SCN3A: variants seen among roughly 807,000 people sequenced by gnomAD.
SCN3A encodes sodium channel protein type 3 subunit alpha.
A neutral mutation model predicts 187.6 loss-of-function variants in SCN3A; 60 were observed. That is an observed-to-expected ratio of 0.32 (90% confidence interval 0.26 to 0.40). The LOEUF is 0.40. Ranked by LOEUF, SCN3A falls within the 10% of genes least tolerant of loss-of-function variation. SCN3A has a pLI of 1.00. For synonymous variants in SCN3A, 788 were observed against 829.2 expected, an observed-to-expected ratio of 0.95 and a Z score of 0.85; for missense variants, 1,601 against 2,428.2, an observed-to-expected ratio of 0.66 and a Z score of 7.16.
At chr2:165,136,857 A>G (rs1160447563) in intron 15 of SCN3A, among the ~76,000 whole-genome samples, 1 of 152,156 alleles carries the variant, frequency 6.6e-6, no homozygotes, top group African/African-American at 2.4e-5. Flanking sequence ...CCAATTGTCC[A>G]CCAGCATTTC....
chr2:165,116,643 C>T (rs1686380939), intron 18 of SCN3A, among the ~76,000 whole-genome samples: 1 of 152,070 alleles, frequency 6.6e-6, no homozygotes, highest in Non-Finnish European at 1.5e-5. Flanking sequence ...GCCATAAACA[C>T]AGTTCATGTT....
chr2:165,089,305 T>G lies in SCN3A; in HGVS notation c.*845A>C, dbSNP rs192637307. 4.6e-5 allele frequency: 7 copies of G among 152,758 alleles called. No homozygotes were observed. The East Asian group carries it at 1.2e-3, about 25-fold the overall frequency. 9.5% of individuals were successfully genotyped at this position (152,758 alleles called of 1,614,324 possible). A position where few individuals can be genotyped will look rare whatever the true frequency, so the allele number is the denominator to read the frequency against. ...AGAGCAGAAGATGGCAAAGCAATAC[T>G]GCAGCAGAAAGTGGAACAACTATTC... On this transcript the variant is annotated 3_prime_UTR_variant, in exon 28 of 28. Coordinates refer to ENST00000283254, the MANE Select transcript of SCN3A (RefSeq NM_006922.4).
intron 3 of SCN3A, among the ~76,000 whole-genome samples, chr2:165,175,436 T>A (rs1690390480): frequency 6.6e-6 from 1 of 152,194 alleles, no homozygotes; most frequent in Admixed American, 6.6e-5. Flanking sequence ...GAAAGCACAG[T>A]CATAACCACT....
chr2:165,152,786 T>C (rs1295189242), intron 11 of SCN3A, among the ~76,000 whole-genome samples: 1 of 150,316 alleles, frequency 6.7e-6, no homozygotes, highest in African/African-American at 2.5e-5. Context: ...GTGGGGGAGG[T>C]GGGAAGGATA....
Position 165,113,979 on chromosome 2 carries a change from C to A in SCN3A, c.3515-9G>T, listed in dbSNP as rs370865394. 1.1e-5 allele frequency: 17 copies of A among 1,509,900 alleles called. 1 individual carries two copies. Among genetic ancestry groups the A allele is most frequent in the Admixed American group, 6.9e-5 (4 of 57,690 alleles). 93.5% of individuals were successfully genotyped at this position (1,509,900 alleles called of 1,614,324 possible). On this transcript the variant is annotated splice_polypyrimidine_tract_variant and intron_variant, in intron 19 of 27. Coordinates refer to ENST00000283254, the MANE Select transcript of SCN3A (RefSeq NM_006922.4). The stretch of plus-strand genomic sequence containing the variant: ...AAACTTTTTAATACATCCTAAAAAT[C>A]AAATATAGTTAATTAAAAAATATAT...
chr2:165,098,766 G>T (rs1685473490), intron 22 of SCN3A, among the ~76,000 whole-genome samples: 1 of 152,126 alleles, frequency 6.6e-6, no homozygotes, highest in African/African-American at 2.4e-5. Context: ...ATTTGCATCT[G>T]GAATATTAAT....
rs1416468958 is a variant in SCN3A at position 165,176,266 on chromosome 2, A to G, written c.129T>C (p.Asn43=). 1.5e-6 allele frequency: 2 copies of G among 1,338,448 alleles called. No individual in the cohort carries two copies. Among genetic ancestry groups the G allele is most frequent in the African/African-American group, 3.0e-5 (2 of 66,288 alleles). The allele number at this position is 1,338,448 out of a possible 1,614,324, so 82.9% of individuals were successfully genotyped here. A position where few individuals can be genotyped will look rare whatever the true frequency, so the allele number is the denominator to read the frequency against. ...KAKKPKKEQD[N]DDENKPKPNS... ...TTGGCTTTGGTTTGTTCTCATCATC[A>G]TTATCTTGTTCCTTTTTGGGCTTCT... Residue 43 remains asparagine, a synonymous_variant, in exon 3 of 28, where the codon AAT becomes AAC. Coordinates refer to ENST00000283254, the MANE Select transcript of SCN3A (RefSeq NM_006922.4).
At chr2:165,194,934 A>G (rs1406542874) in intron 1 of SCN3A, 2 of 152,020 alleles carry the variant, frequency 1.3e-5, no homozygotes, top group Non-Finnish European at 2.9e-5. Context: ...AGAGCAAAGG[A>G]CTGTGTGCAC....
chr2:165,120,351 A>T (rs919686331), intron 18 of SCN3A, among the ~76,000 whole-genome samples: 1 of 151,944 alleles, frequency 6.6e-6, no homozygotes, highest in Non-Finnish European at 1.5e-5. Flanking sequence ...CGCCCAATAG[A>T]GTGACCTTAT....
rs1684992602 is a variant in SCN3A, at chr2:165,089,872, T to G, written c.*278A>C. The G allele has an allele frequency of 6.8e-6, 3 of 438,832 alleles. No individual in the cohort carries two copies. The highest frequency in any genetic ancestry group is 5.3e-5 in the South Asian group (2 of 38,058). 27.2% of individuals were successfully genotyped at this position (438,832 alleles called of 1,614,324 possible). A position where few individuals can be genotyped will look rare whatever the true frequency, so the allele number is the denominator to read the frequency against. On this transcript the variant is annotated 3_prime_UTR_variant, in exon 28 of 28. Transcript: ENST00000283254. ...TGTTTGGTGTAGTTACAATGTTCAC[T>G]TTGCACAACTATCCCTATAGTCTAG...
At chr2:165,199,249 C>T (rs1692171210) in intron 1 of SCN3A, among the ~76,000 whole-genome samples, 1 of 151,898 alleles carries the variant, frequency 6.6e-6, no homozygotes, top group African/African-American at 2.4e-5. Context: ...AATTAAGGGA[C>T]CATCATTTCT....
chr2:165,175,690 T>A (rs1690407062), intron 3 of SCN3A, among the ~76,000 whole-genome samples: 1 of 152,150 alleles, frequency 6.6e-6, no homozygotes. Flanking sequence ...GCTAAGCAGA[T>A]TATTTATTGT....
In SCN3A at chr2:165,140,887, C is replaced by T; in HGVS notation, c.1783G>A (p.Asp595Asn). ...TCTTCAAATGTGCTGTGTTCATCATCAGCAAAGTCATTTTCAGATCCAACA... is the reference window on the plus strand; with the variant it reads ...TCTTCAAATGTGCTGTGTTCATCATTAGCAAAGTCATTTTCAGATCCAACA... ...KDVGSENDFA[D>N]DEHSTFEDSE... The change falls in exon 13 of 28, where the codon GAT (aspartate) becomes AAT (asparagine). Residue 595 changes from aspartate to asparagine, a missense_variant. Physicochemically the swap from Asp to Asn is conservative, Grantham distance 23. Around this residue, in one of 11 missense-constraint regions of SCN3A, gnomAD observed 376 missense variants for 476.0 expected, o/e 0.79. Coordinates refer to ENST00000283254, the MANE Select transcript of SCN3A (RefSeq NM_006922.4). The surrounding 1 kb of genome is among the most constrained non-coding windows in gnomAD (Gnocchi z 4.2). 1 of 1,614,102 alleles carries T rather than the reference C, an allele frequency of 6.2e-7. No homozygotes were observed. The highest frequency in any genetic ancestry group is 8.5e-7 in the Non-Finnish European group (1 of 1,180,008).
chr2:165,158,168 T>A (rs1176975080), intron 9 of SCN3A, among the ~76,000 whole-genome samples: 1 of 152,170 alleles, frequency 6.6e-6, no homozygotes, highest in Non-Finnish European at 1.5e-5. Flanking sequence ...TGCTCAGTAC[T>A]GGTACACATG....
At chr2:165,182,974 C>CAA (rs745609592) in intron 2 of SCN3A, among the ~76,000 whole-genome samples, 27,832 of 86,638 alleles carry the variant, frequency 0.32, 3,419 homozygotes, top group East Asian at 0.55. Flanking sequence ...AAGACCTTGT[C>CAA]AAAAAAAAAA....
chr2:165,143,380 C>G (rs1328828705), intron 12 of SCN3A, among the ~76,000 whole-genome samples: 1 of 152,174 alleles, frequency 6.6e-6, no homozygotes, highest in African/African-American at 2.4e-5. Flanking sequence ...TGTACATCCA[C>G]TATGTATCTG....
intron 11 of SCN3A, among the ~76,000 whole-genome samples, chr2:165,150,982 C>T (rs988900805): frequency 2.0e-5 from 3 of 151,924 alleles, no homozygotes; most frequent in African/African-American, 7.3e-5. Flanking sequence ...TAGAATAAAA[C>T]TCTTAAATAA....
Position 165,113,804 on chromosome 2 carries a change from C to T in SCN3A, c.3669+12G>A. On this transcript the variant is annotated intron_variant, in intron 20 of 27. Transcript: ENST00000283254. ...CCAGAATCTGATTCTTGCCAATATG[C>T]ATTTCACTTACCAATGCACCACTAC... 1 of 1,613,016 alleles carries T rather than the reference C, an allele frequency of 6.2e-7. No individual in the cohort carries two copies. Among genetic ancestry groups the T allele is most frequent in the South Asian group, 1.1e-5 (1 of 91,052 alleles).
chr2:165,185,627 C>T (rs557595165), intron 2 of SCN3A, among the ~76,000 whole-genome samples: 3 of 152,284 alleles, frequency 2.0e-5, no homozygotes, highest in Admixed American at 1.3e-4. Flanking sequence ...CATATTTACC[C>T]CTGGGCCTTT....
Sources: gnomAD v4.1 joint callset for allele counts (sites outside exome capture counted in the v4.1 genomes callset) on GRCh38, gnomAD v4.1.1 for gene constraint, gnomAD v4.1.1 regional missense constraint, Gnocchi (gnomAD v3.1) non-coding constraint, MANE v1.5 for transcripts, NCBI Gene and HGNC (gene_info 2026-07-23, HGNC 2026-07-21) for gene names.